SEC63: variants seen among roughly 807,000 people sequenced by gnomAD.
SEC63 encodes the protein SEC63 protein translocation regulator, also known as translocation protein SEC63 homolog.
A neutral mutation model predicts 116.2 loss-of-function variants in SEC63; 56 were observed. The ratio of observed to expected loss-of-function variants is 0.48; its 90% CI spans 0.39 to 0.60. SEC63 has a LOEUF of 0.60. Among genes scored for constraint, SEC63 ranks in the 20% least tolerant of loss-of-function variants. The probability of loss-of-function intolerance (pLI) is 0.00; values close to 1 mark genes in which losing one functional copy is unlikely to be tolerated. For synonymous variants in SEC63, 273 were observed against 294.6 expected (o/e 0.93, Z 0.75); for missense variants, 668 against 900.0 (o/e 0.74, Z 3.30).
intron 16 of SEC63, among the ~76,000 whole-genome samples, chr6:107,892,866 C>T (rs923666576): frequency 2.0e-5 from 3 of 152,054 alleles, no homozygotes; most frequent in African/African-American, 7.2e-5. Context: ...GACTCTCACA[C>T]GTAGGTAAGA....
chr6:107,918,996 C>G (rs572857672), intron 4 of SEC63, among the ~76,000 whole-genome samples: 1 of 150,900 alleles, frequency 6.6e-6, no homozygotes, highest in Non-Finnish European at 1.5e-5. Context: ...CCCCAACCTC[C>G]GCCTCCCAGG....
chr6:107,886,237 A>G lies in SEC63; in HGVS notation c.1675-3091T>C, dbSNP rs1198040597. On this transcript the variant is annotated intron_variant, in intron 16 of 20. Transcript: ENST00000369002. Reference sequence around the variant, plus strand: ...GTATTCCATGGTGTATATGTGCCACATTTTCTTTATCCAGTCTATCATTGA... The same window carrying G: ...GTATTCCATGGTGTATATGTGCCACGTTTTCTTTATCCAGTCTATCATTGA... 2.0e-5 allele frequency among the ~76,000 whole-genome samples: 3 copies of G among 152,112 alleles called. No homozygotes were observed. The East Asian group carries it at 5.8e-4, about 29-fold the overall frequency.
chr6:107,911,512 T>C, intron 6 of SEC63, 116 bp from the exon 7 acceptor site: 1 of 734,086 alleles, frequency 1.4e-6, no homozygotes, highest in Admixed American at 2.1e-5. Flanking sequence ...TCCTCATGTA[T>C]TATCTTGTTT....
rs113894181 is a variant in SEC63 at position 107,910,641 on chromosome 6, CAT to C, written c.624+703_624+704del. Reference sequence around the variant, plus strand: ...TATGCACGTGTCATGCATATATACACATGTCATACATTTATACACATCTGTCA... The same window carrying C: ...TATGCACGTGTCATGCATATATACACGTCATACATTTATACACATCTGTCA... On this transcript the variant is annotated intron_variant, in intron 7 of 20. Transcript: ENST00000369002. 2.2e-3 allele frequency among the ~76,000 whole-genome samples: 338 copies of C among 152,166 alleles called. 4 individuals are homozygous for C. The highest frequency in any genetic ancestry group is 6.0e-3 in the Admixed American group (91 of 15,286).
At position 107,868,558 on chromosome 6, in the gene SEC63, G is replaced by C. The variant is rs780300285; in HGVS notation, c.*3146C>G. The C allele has an allele frequency of 6.6e-6, 1 of 152,216 alleles. No homozygotes were observed. Among genetic ancestry groups the C allele is most frequent in the African/African-American group, 2.4e-5 (1 of 41,498 alleles). 9.4% of individuals were successfully genotyped at this position (152,216 alleles called of 1,614,324 possible). On this transcript the variant is annotated 3_prime_UTR_variant, in exon 21 of 21. Coordinates refer to ENST00000369002, the MANE Select transcript of SEC63 (RefSeq NM_007214.5). Reference sequence around the variant, plus strand: ...CGTGCCACTGCACTCCTCCAGCCTGGAGGACAGAGCGAGACTCCGTCTTAA... The same window carrying C: ...CGTGCCACTGCACTCCTCCAGCCTGCAGGACAGAGCGAGACTCCGTCTTAA...
At chr6:107,887,950 A>C (rs900771262) in intron 16 of SEC63, among the ~76,000 whole-genome samples, 1 of 152,094 alleles carries the variant, frequency 6.6e-6, no homozygotes, top group African/African-American at 2.4e-5. Context: ...CCATTGGTCT[A>C]TATATCTGTT....
intron 1 of SEC63, among the ~76,000 whole-genome samples, chr6:107,937,760 T>G (rs1770289303): frequency 6.6e-6 from 1 of 152,186 alleles, no homozygotes; most frequent in Non-Finnish European, 1.5e-5. Flanking sequence ...GATCTCTCAC[T>G]GTGGTTTTGA....
At chr6:107,900,050 C>T (rs1786962996) in intron 13 of SEC63, among the ~76,000 whole-genome samples, 1 of 152,178 alleles carries the variant, frequency 6.6e-6, no homozygotes, top group African/African-American at 2.4e-5. Flanking sequence ...CTTACCACTG[C>T]TTCCCTAGCA....
chr6:107,931,389 C>A (rs1278525715), intron 1 of SEC63, among the ~76,000 whole-genome samples: 1 of 151,598 alleles, frequency 6.6e-6, no homozygotes, highest in African/African-American at 2.4e-5. Context: ...GAAAAACTTG[C>A]AGCTCAATTA....
At position 107,929,461 on chromosome 6, in the gene SEC63, G is replaced by A. The variant is rs756084065; in HGVS notation, c.178C>T (p.Arg60Cys). 7.5e-6 allele frequency: 12 copies of A among 1,601,698 alleles called. No individual in the cohort carries two copies. The highest frequency in any genetic ancestry group is 2.2e-5 in the East Asian group (1 of 44,756). Residue 60 changes from arginine (R) to cysteine (C), a missense_variant, in exon 2 of 21, where the codon CGT (arginine) becomes TGT (cysteine). By Grantham distance (180) the Arg-to-Cys change is radical. This residue lies in a region of SEC63 where 142 missense variants were observed against 169.5 expected (regional missense o/e 0.84). Coordinates refer to ENST00000369002, the MANE Select transcript of SEC63 (RefSeq NM_007214.5). ...RKVYGRCMWY[R>C]LRLLKPQPNI... ...GGCTGGGGTTTTAATAACCGTAAAC[G>A]ATACCACATACACCTTCCATATACT...
intron 18 of SEC63, among the ~76,000 whole-genome samples, chr6:107,880,685 C>T (rs141462305): frequency 1.2e-3 from 187 of 152,282 alleles, no homozygotes; most frequent in African/African-American, 4.4e-3. Flanking sequence ...ACTGGGACAA[C>T]AATGACCAGG....
At chr6:107,879,305 A>G (rs907174608) in intron 18 of SEC63, among the ~76,000 whole-genome samples, 6 of 151,808 alleles carry the variant, frequency 4.0e-5, no homozygotes, top group African/African-American at 1.5e-4. Flanking sequence ...CTGGGATTAT[A>G]GGCACCCGCC....
intron 1 of SEC63, among the ~76,000 whole-genome samples, chr6:107,937,674 G>A (rs978583017): frequency 2.6e-5 from 4 of 152,088 alleles, no homozygotes; most frequent in African/African-American, 7.2e-5. Context: ...GCGTATAAGT[G>A]TTTCCTTTTC....
intron 16 of SEC63, among the ~76,000 whole-genome samples, chr6:107,889,929 C>T (rs960916575): frequency 6.6e-6 from 1 of 152,186 alleles, no homozygotes; most frequent in African/African-American, 2.4e-5. Context: ...AGTTTGATTG[C>T]ACTGTGGTCT....
chr6:107,889,358 G>T (rs1356842712), intron 16 of SEC63, among the ~76,000 whole-genome samples: 1 of 152,154 alleles, frequency 6.6e-6, no homozygotes, highest in East Asian at 1.9e-4. Flanking sequence ...ATTTCTTCTA[G>T]ATTTTCTAGT....
chr6:107,956,981 AAC>A (rs1401445936), intron 1 of SEC63, among the ~76,000 whole-genome samples: 1 of 152,178 alleles, frequency 6.6e-6, no homozygotes, highest in African/African-American at 2.4e-5. Flanking sequence ...TACCATAAAT[AAC>A]CCATTAGGCC....
rs114476144 is a variant in SEC63, at chr6:107,921,520, C to T, written c.452+277G>A. On this transcript the variant is annotated intron_variant, in intron 4 of 20. Transcript: ENST00000369002. ...AAGTTGGGCTGCAGTGGCATGGTCA[C>T]GGCTCACTGCAGCCTTGACCTCCCA... 0.011 allele frequency among the ~76,000 whole-genome samples: 1,612 copies of T among 151,500 alleles called. 30 individuals are homozygous for T. The highest frequency in any genetic ancestry group is 0.037 in the African/African-American group (1,517 of 41,240).
chr6:107,934,481 CCGCTCCATCTGAGAAGTGAGG>C (rs1770141015), intron 1 of SEC63, among the ~76,000 whole-genome samples: 2 of 144,646 alleles, frequency 1.4e-5, no homozygotes, highest in Non-Finnish European at 3.1e-5. Flanking sequence ...CTCTGCCCGG[CCGCTCCATCTGAGAAGTGAGG>C]AGCCCCTCCG....
intron 1 of SEC63, among the ~76,000 whole-genome samples, chr6:107,940,383 T>A (rs559098116): frequency 1.3e-5 from 2 of 152,336 alleles, no homozygotes; most frequent in East Asian, 3.9e-4. Flanking sequence ...CTTTTCCTTT[T>A]ATGGTACTGA....
Sources: gnomAD v4.1 joint callset for allele counts (sites outside exome capture counted in the v4.1 genomes callset) on GRCh38, gnomAD v4.1.1 for gene constraint, gnomAD v4.1.1 regional missense constraint, MANE v1.5 for transcripts, NCBI Gene and HGNC (gene_info 2026-07-23, HGNC 2026-07-21) for gene names.